Variants in LRRN4 observed in about 807,000 individuals in gnomAD.
LRRN4 encodes leucine-rich repeat neuronal protein 4.
In LRRN4, 26 loss-of-function variants were observed where a neutral mutation model predicts 22.3. The observed-to-expected ratio is 1.16, with a 90% confidence interval of 0.85 to 1.62. The LOEUF (loss-of-function observed/expected upper bound fraction) is 1.62, where lower values mean the gene tolerates loss of function less well. Ranked by LOEUF, LRRN4 falls within the 40% of genes most tolerant of loss-of-function variation. The pLI is 0.00. For synonymous variants in LRRN4, 496 were observed against 486.2 expected, an observed-to-expected ratio of 1.02 and a Z score of -0.26; for missense variants, 1,070 against 1,008.5, an observed-to-expected ratio of 1.06 and a Z score of -0.83.
At chr20:6,052,079 C>G (rs970883803) in intron 2 of LRRN4, 66 bp downstream of exon 2, 106 of 1,507,604 alleles carry the variant, frequency 7.0e-5, no homozygotes, top group Middle Eastern at 5.9e-4. Context: ...GCCCTGCCCC[C>G]CGGAGCGCAC....
rs771274489 is a variant in LRRN4 at position 6,052,572 on chromosome 20, T to G, written c.228A>C (p.Thr76=). 1 of 1,581,012 alleles carries G rather than the reference T, an allele frequency of 6.3e-7. No homozygotes were observed. Among genetic ancestry groups the G allele is most frequent in the South Asian group, 1.1e-5 (1 of 88,216 alleles). The change falls in exon 2 of 5, where the codon ACA becomes ACC. Residue 76 remains threonine (T), a synonymous_variant. Transcript: ENST00000378858. ...LERLPGCLPR[T]LRSLDASHNL... ...TGTGGCTGGCGTCGAGGCTGCGCAG[T>G]GTGCGCGGTAGGCAGCCGGGCAGGC...
Position 6,040,993 on chromosome 20 carries a change from C to A in LRRN4, c.*29G>T, listed in dbSNP as rs751922632. ...TTCCTTTTTGCGCTCAGATCCAGTT[C>A]GATGAGACGCGTTATCCCAGAAGCT... On this transcript the variant is annotated 3_prime_UTR_variant, in exon 5 of 5. Coordinates refer to ENST00000378858, the MANE Select transcript of LRRN4 (RefSeq NM_152611.5). 1.2e-6 allele frequency: 2 copies of A among 1,605,738 alleles called. No homozygotes were observed. The highest frequency in any genetic ancestry group is 1.7e-6 in the Non-Finnish European group (2 of 1,175,724).
At chr20:6,042,942 C>A (rs1363735145) in intron 4 of LRRN4, among the ~76,000 whole-genome samples, 2 of 149,036 alleles carry the variant, frequency 1.3e-5, no homozygotes, top group Non-Finnish European at 3.0e-5. Context: ...AAAAAATACT[C>A]ATACTAGCTA....
intron 1 of LRRN4, 53 bp from the exon 2 acceptor site, chr20:6,052,857 A>G: frequency 6.7e-7 from 1 of 1,484,058 alleles, no homozygotes; most frequent in Non-Finnish European, 9.0e-7. Flanking sequence ...CCCCGCACAA[A>G]GAGTCAGATG....
chr20:6,052,716 G>A lies in LRRN4; in HGVS notation c.84C>T (p.Phe28=), dbSNP rs1339680126. 1.3e-6 allele frequency: 2 copies of A among 1,570,462 alleles called. No homozygotes were observed. Among genetic ancestry groups the A allele is most frequent in the Non-Finnish European group, 1.7e-6 (2 of 1,165,706 alleles). ...CCCAGGGGCCCTGCTGAGTGACCCG[G>A]AAGAGCGGGACCTTCTCCTGGGGAG... The part of the protein sequence containing the change: ...ADPPQEKVPL[F]RVTQQGPWGS... The change falls in exon 2 of 5, where the codon TTC becomes TTT. Residue 28 remains phenylalanine (F), a synonymous_variant. Transcript: ENST00000378858.
intron 3 of LRRN4, among the ~76,000 whole-genome samples, chr20:6,049,738 G>A (rs1056851571): frequency 2.0e-5 from 3 of 151,884 alleles, no homozygotes; most frequent in Non-Finnish European, 4.4e-5. Context: ...CCTGACCTCA[G>A]GTGATCCACC....
chr20:6,053,903 T>C lies in LRRN4; in HGVS notation c.-79A>G, dbSNP rs1981325862. ...GTTCTCAGCTTTGTTTTATAGATTCTAGGGACCACTGATTTGGACAGCAAC... is the reference window on the plus strand; with the variant it reads ...GTTCTCAGCTTTGTTTTATAGATTCCAGGGACCACTGATTTGGACAGCAAC... On this transcript the variant is annotated 5_prime_UTR_variant, in exon 1 of 5. Coordinates refer to ENST00000378858, the MANE Select transcript of LRRN4 (RefSeq NM_152611.5). 1 of 152,230 alleles carries C rather than the reference T, an allele frequency of 6.6e-6. No homozygotes were observed. Among genetic ancestry groups the C allele is most frequent in the African/African-American group, 2.4e-5 (1 of 41,444 alleles). 9.4% of individuals were successfully genotyped at this position (152,230 alleles called of 1,614,324 possible).
Position 6,052,491 on chromosome 20 carries a change from C to T in LRRN4, c.309G>A (p.Val103=). Residue 103 remains valine, a synonymous_variant, in exon 2 of 5, where the codon GTG becomes GTA. Coordinates refer to ENST00000378858, the MANE Select transcript of LRRN4 (RefSeq NM_152611.5). The part of the protein sequence containing the change: ...SELGHLEQLQ[V]LTLRHNRIAA... ...CGATGCGGTTGTGGCGCAGGGTCAG[C>T]ACCTGCAGCTGCTCCAGGTGGCCGA... The T allele has an allele frequency of 6.3e-7, 1 of 1,576,564 alleles. No individual in the cohort carries two copies. The highest frequency in any genetic ancestry group is 8.5e-7 in the Non-Finnish European group (1 of 1,169,944).
Position 6,052,269 on chromosome 20 carries a change from G to C in LRRN4, c.531C>G (p.Leu177=). The C allele has an allele frequency of 6.5e-7, 1 of 1,548,240 alleles. No homozygotes were observed. Among genetic ancestry groups the C allele is most frequent in the South Asian group, 1.2e-5 (1 of 84,006 alleles). Reference sequence around the variant, plus strand: ...CTCCGCGACCCAGCGCGGTGCAGGAGAGGTTGAGGAGCTGCAGCGCGGGGA... The same window carrying C: ...CTCCGCGACCCAGCGCGGTGCAGGACAGGTTGAGGAGCTGCAGCGCGGGGA... The part of the protein sequence containing the change: ...ACFPALQLLN[L]SCTALGRGAQ... Residue 177 remains leucine, a synonymous_variant, in exon 2 of 5, where the codon CTC becomes CTG. Coordinates refer to ENST00000378858, the MANE Select transcript of LRRN4 (RefSeq NM_152611.5).
chr20:6,041,953 G>T lies in LRRN4; in HGVS notation c.1292C>A (p.Pro431His). The change falls in exon 5 of 5, where the codon CCC (proline) becomes CAC (histidine). Residue 431 changes from proline (P) to histidine (H), a missense_variant. Physicochemically the swap from Pro to His is moderately conservative, Grantham distance 77 (BLOSUM62 -2). Coordinates refer to ENST00000378858, the MANE Select transcript of LRRN4 (RefSeq NM_152611.5). This position sits in a 1 kb window ranked among gnomAD's most constrained non-coding sequence, Gnocchi z 9.4. ...ACCTGCTACAGAGTTGGTCGTGGAG[G>T]GGGCAGTCCCCTCCCGTGCATCGCT... ...PHSDAREGTA[P>H]STTNSVAGHS... The T allele has an allele frequency of 6.2e-7, 1 of 1,614,170 alleles. No individual in the cohort carries two copies. Among genetic ancestry groups the T allele is most frequent in the Non-Finnish European group, 8.5e-7 (1 of 1,180,028 alleles).
intron 3 of LRRN4, among the ~76,000 whole-genome samples, chr20:6,048,691 T>C (rs1024607393): frequency 6.6e-6 from 1 of 152,230 alleles, no homozygotes; most frequent in African/African-American, 2.4e-5. Context: ...TTATTATTAC[T>C]GAACATTTCC....
rs562860738 is a variant in LRRN4 at position 6,048,964 on chromosome 20, C to T, written c.860+1815G>A. On this transcript the variant is annotated intron_variant, in intron 3 of 4. Coordinates refer to ENST00000378858, the MANE Select transcript of LRRN4 (RefSeq NM_152611.5). ...GGCTGGAGAAGCACCAGGGAAACAT[C>T]TGGGGGCCAAAGAGACAGAGAACAT... 5.9e-5 allele frequency among the ~76,000 whole-genome samples: 9 copies of T among 152,292 alleles called. No homozygotes were observed. In the South Asian group the frequency reaches 1.5e-3, roughly 25 times the overall value.
chr20:6,044,174 G>A (rs1962267071), intron 4 of LRRN4, among the ~76,000 whole-genome samples: 2 of 152,208 alleles, frequency 1.3e-5, no homozygotes, highest in South Asian at 4.1e-4. Context: ...GGGAGCAGGA[G>A]GCCAGGCTCC....
At chr20:6,043,257 A>C (rs886391349) in intron 4 of LRRN4, among the ~76,000 whole-genome samples, 3 of 151,882 alleles carry the variant, frequency 2.0e-5, no homozygotes, top group African/African-American at 7.3e-5. Context: ...AAAACAAACA[A>C]ACAAAAACTT....
At chr20:6,042,644 G>A (rs775349822) in intron 4 of LRRN4, among the ~76,000 whole-genome samples, 1 of 152,128 alleles carries the variant, frequency 6.6e-6, no homozygotes, top group Non-Finnish European at 1.5e-5. Flanking sequence ...TACTCGGGCC[G>A]GTGCGATGGC....
At position 6,050,930 on chromosome 20, in the gene LRRN4, T is replaced by TC; in HGVS notation, c.708dup (p.Lys237GlufsTer82). 6.2e-7 allele frequency: 1 copy of TC among 1,614,184 alleles called. No homozygotes were observed. Among genetic ancestry groups the TC allele is most frequent in the Non-Finnish European group, 8.5e-7 (1 of 1,180,030 alleles). On this transcript the variant is annotated frameshift_variant, in exon 3 of 5. Coordinates refer to ENST00000378858, the MANE Select transcript of LRRN4 (RefSeq NM_152611.5). LOFTEE classifies it high-confidence loss of function. ...TCCAGGGTCGTCAGCCGAGGCATCT[T>TC]CCTCAGGTAGAGGGATGTGAGCTTC...
At position 6,042,299 on chromosome 20, in the gene LRRN4, C is replaced by T. The variant is rs769189475; in HGVS notation, c.999-53G>A. On this transcript the variant is annotated intron_variant, in intron 4 of 4. Coordinates refer to ENST00000378858, the MANE Select transcript of LRRN4 (RefSeq NM_152611.5). ...ACGTCTGGCTTCAGGGACACTTCTGCGCAGAGCTTTGAATCCTCATTGCCG... is the reference window on the plus strand; with the variant it reads ...ACGTCTGGCTTCAGGGACACTTCTGTGCAGAGCTTTGAATCCTCATTGCCG... The T allele has an allele frequency of 3.6e-4, 558 of 1,537,076 alleles. 1 individual carries two copies. The highest frequency in any genetic ancestry group is 4.5e-4 in the Non-Finnish European group (517 of 1,146,028).
Position 6,041,327 on chromosome 20 carries a change from C to A in LRRN4, c.1918G>T (p.Gly640Trp). The A allele has an allele frequency of 6.3e-7, 1 of 1,598,156 alleles. No homozygotes were observed. Among genetic ancestry groups the A allele is most frequent in the East Asian group, 2.2e-5 (1 of 44,740 alleles). ...YATARQHPLYGLSPGTTYRVC... is the reference protein window; with the variant it reads ...YATARQHPLYWLSPGTTYRVC... ...CGGTAGGTGGTGCCCGGCGACAGCC[C>A]GTACAGAGGGTGCTGCCGGGCCGTG... Residue 640 changes from glycine to tryptophan, a missense_variant, in exon 5 of 5, where the codon GGG becomes TGG. Physicochemically the swap from Gly to Trp is radical, Grantham distance 184. Coordinates refer to ENST00000378858, the MANE Select transcript of LRRN4 (RefSeq NM_152611.5). This position sits in a 1 kb window ranked among gnomAD's most constrained non-coding sequence, Gnocchi z 9.4.
In LRRN4 at chr20:6,052,391, G is replaced by T; in HGVS notation, c.409C>A (p.Leu137Met). The change falls in exon 2 of 5, where the codon CTG becomes ATG. Residue 137 changes from leucine to methionine, a missense_variant. Physicochemically the swap from Leu to Met is conservative, Grantham distance 15. Coordinates refer to ENST00000378858, the MANE Select transcript of LRRN4 (RefSeq NM_152611.5). ...LDLSYNQLAALPPCTGPALSS... is the reference protein window; with the variant it reads ...LDLSYNQLAAMPPCTGPALSS... ...AGCGCGGGCCCGGTGCACGGCGGCA[G>T]AGCGGCCAGCTGGTTGTAGCTGAGG... 1 of 1,528,134 alleles carries T rather than the reference G, an allele frequency of 6.5e-7. No homozygotes were observed. Among genetic ancestry groups the T allele is most frequent in the Non-Finnish European group, 8.7e-7 (1 of 1,147,066 alleles). The allele number at this position is 1,528,134 out of a possible 1,614,324, so 94.7% of individuals were successfully genotyped here.
Sources: allele counts gnomAD v4.1 joint callset (sites outside exome capture counted in the v4.1 genomes callset), GRCh38; gene constraint gnomAD v4.1.1; non-coding constraint Gnocchi (gnomAD v3.1); transcripts MANE v1.5; gene names NCBI Gene and HGNC (gene_info 2026-07-23, HGNC 2026-07-21).